Variants in USP13 observed in about 807,000 individuals in gnomAD.
USP13 encodes ubiquitin specific peptidase 13.
A neutral mutation model predicts 107.8 loss-of-function variants in USP13; 68 were observed. That is an observed-to-expected ratio of 0.63 (90% CI 0.52 to 0.77). USP13 has a LOEUF of 0.77. Among genes scored for constraint, USP13 ranks in the 30% least tolerant of loss-of-function variants. The pLI, the probability that USP13 is intolerant of heterozygous loss-of-function variation, is 0.00. For missense variants in USP13, 945 were observed against 1,093.3 expected (o/e 0.86, Z 1.91); for synonymous variants, 377 against 389.5 (o/e 0.97, Z 0.38).
At position 179,719,956 on chromosome 3, in the gene USP13, A is replaced by G; in HGVS notation, c.822A>G (p.Gln274=). The G allele has an allele frequency of 6.2e-7, 1 of 1,613,972 alleles. No homozygotes were observed. The highest frequency in any genetic ancestry group is 8.5e-7 in the Non-Finnish European group (1 of 1,179,932). ...TPDGADVYSF[Q]EEEPVLDPHL... Reference sequence around the variant, plus strand: ...ATCCGCTAGATGTTTATTCTTTTCAAGAAGAAGAACCTGTTTTGGATCCTC... The same window carrying G: ...ATCCGCTAGATGTTTATTCTTTTCAGGAAGAAGAACCTGTTTTGGATCCTC... Residue 274 remains glutamine, a synonymous_variant, in exon 7 of 21, where the codon CAA becomes CAG. Transcript: ENST00000263966.
intron 1 of USP13, among the ~76,000 whole-genome samples, chr3:179,659,581 A>G (rs1361848520): frequency 6.6e-6 from 1 of 152,142 alleles, no homozygotes; most frequent in African/African-American, 2.4e-5. Context: ...ATTATTGCAT[A>G]TATTATTATA....
At chr3:179,740,179 C>T in intron 10 of USP13, 68 bp from the exon 11 acceptor site, 1 of 1,595,384 alleles carries the variant, frequency 6.3e-7, no homozygotes, top group Non-Finnish European at 8.6e-7. Context: ...GGGTTCTGCT[C>T]TGCTTGCCGC....
At chr3:179,668,471 T>A (rs1369422116) in intron 1 of USP13, among the ~76,000 whole-genome samples, 1 of 152,248 alleles carries the variant, frequency 6.6e-6, no homozygotes, top group Admixed American at 6.5e-5. Context: ...AGATTTTGGA[T>A]TTTGCAACTA....
At chr3:179,681,085 A>G (rs1449930621) in intron 1 of USP13, among the ~76,000 whole-genome samples, 1 of 152,140 alleles carries the variant, frequency 6.6e-6, no homozygotes, top group Admixed American at 6.5e-5. Flanking sequence ...CTGAGGTGAG[A>G]ACCTCACTGT....
Position 179,653,407 on chromosome 3 carries a change from C to T in USP13, c.168+14C>T, listed in dbSNP as rs368463855. On this transcript the variant is annotated intron_variant, in intron 1 of 20. Coordinates refer to ENST00000263966, the MANE Select transcript of USP13 (RefSeq NM_003940.3). The surrounding 1 kb of genome is among the most constrained non-coding windows in gnomAD (Gnocchi z 4.0). ...TACGACTCTCCCGTAAGTGAGGCGC[C>T]TCGGGGGAGGGTCGCGGGGCCGGCG... 7.1e-6 allele frequency: 11 copies of T among 1,548,998 alleles called. No homozygotes were observed. Among genetic ancestry groups the T allele is most frequent in the Non-Finnish European group, 9.6e-6 (11 of 1,145,414 alleles).
rs1453930997 is a variant in USP13, at chr3:179,788,500, A to G, written c.*4359A>G. 1.3e-5 allele frequency: 2 copies of G among 152,224 alleles called. No individual in the cohort carries two copies. Among genetic ancestry groups the G allele is most frequent in the Admixed American group, 6.5e-5 (1 of 15,278 alleles). The allele number at this position is 152,224 out of a possible 1,614,324, so 9.4% of individuals were successfully genotyped here. Reference sequence around the variant, plus strand: ...ATCGAGACTGTGTTGTACACATACAATACACACCAGATTTTGAAGGCTTGG... The same window carrying G: ...ATCGAGACTGTGTTGTACACATACAGTACACACCAGATTTTGAAGGCTTGG... On this transcript the variant is annotated 3_prime_UTR_variant, in exon 21 of 21. Coordinates refer to ENST00000263966, the MANE Select transcript of USP13 (RefSeq NM_003940.3).
intron 1 of USP13, among the ~76,000 whole-genome samples, chr3:179,654,358 C>A (rs1161449071): frequency 6.6e-6 from 1 of 152,118 alleles, no homozygotes; most frequent in African/African-American, 2.4e-5. Context: ...CTGACATGCG[C>A]AAGTATAAAT....
At chr3:179,779,657 C>A (rs755085010) in intron 19 of USP13, among the ~76,000 whole-genome samples, 1 of 147,526 alleles carries the variant, frequency 6.8e-6, no homozygotes, top group Admixed American at 6.9e-5. Context: ...GGGTTTTGTA[C>A]GTAGCAGAGC....
chr3:179,729,594 C>T (rs1360284069), intron 8 of USP13, among the ~76,000 whole-genome samples: 1 of 152,180 alleles, frequency 6.6e-6, no homozygotes, highest in African/African-American at 2.4e-5. Flanking sequence ...GCCTCAGCCT[C>T]CCAAGTAGCT....
chr3:179,778,465 T>A (rs1277061898), intron 19 of USP13, among the ~76,000 whole-genome samples: 1 of 152,002 alleles, frequency 6.6e-6, no homozygotes, highest in Non-Finnish European at 1.5e-5. Context: ...CGTGCACAAG[T>A]AAGAATGTGA....
At chr3:179,740,591 G>T (rs921906097) in intron 11 of USP13, among the ~76,000 whole-genome samples, 1 of 152,100 alleles carries the variant, frequency 6.6e-6, no homozygotes, top group Non-Finnish European at 1.5e-5. Flanking sequence ...GTGGATCTCT[G>T]TGCTTCTTTT....
chr3:179,662,580 T>C (rs1457053442), intron 1 of USP13, among the ~76,000 whole-genome samples: 1 of 152,200 alleles, frequency 6.6e-6, no homozygotes, highest in Non-Finnish European at 1.5e-5. Context: ...GTCCTTTGAT[T>C]GGGGTTTCAG....
chr3:179,682,097 A>G lies in USP13; in HGVS notation c.294+94A>G, dbSNP rs755749868. The G allele has an allele frequency of 3.8e-5, 56 of 1,456,840 alleles. No homozygotes were observed. In the Admixed American group the frequency reaches 1.1e-3, roughly 29 times the overall value. The allele number at this position is 1,456,840 out of a possible 1,614,324, so 90.2% of individuals were successfully genotyped here. Reference sequence around the variant, plus strand: ...CACGTGGAAATTTGACCATGCCCACATAACTTCCGATTCCCTTTGACGATG... The same window carrying G: ...CACGTGGAAATTTGACCATGCCCACGTAACTTCCGATTCCCTTTGACGATG... On this transcript the variant is annotated intron_variant, in intron 2 of 20. Transcript: ENST00000263966.
intron 12 of USP13, among the ~76,000 whole-genome samples, chr3:179,743,330 T>C (rs543730073): frequency 6.6e-6 from 1 of 151,574 alleles, no homozygotes; most frequent in South Asian, 2.1e-4. Flanking sequence ...CATATACTTA[T>C]GTAACAGACC....
chr3:179,747,158 G>A (rs1222349937), intron 13 of USP13, among the ~76,000 whole-genome samples: 1 of 152,170 alleles, frequency 6.6e-6, no homozygotes, highest in African/African-American at 2.4e-5. Context: ...ACATGTGCAT[G>A]TGCCTGTTTG....
At position 179,682,336 on chromosome 3, in the gene USP13, G is replaced by T. The variant is rs78065530; in HGVS notation, c.294+333G>T. On this transcript the variant is annotated intron_variant, in intron 2 of 20. Transcript: ENST00000263966. ...AATCATAAAAAAAAACCATTTGAAT[G>T]TTCCTGCTTCAGATGTGTTTTGTTT... is the stretch of plus-strand genomic sequence containing the variant. 2.0e-3 allele frequency among the ~76,000 whole-genome samples: 307 copies of T among 150,644 alleles called. 6 individuals are homozygous for T. The highest frequency in any genetic ancestry group is 7.1e-3 in the African/African-American group (294 of 41,262).
intron 1 of USP13, among the ~76,000 whole-genome samples, chr3:179,677,396 C>A (rs1316407078): frequency 2.0e-5 from 3 of 151,794 alleles, no homozygotes; most frequent in Non-Finnish European, 4.4e-5. Context: ...GCCTGGCTAA[C>A]ATGGAGAAAC....
chr3:179,688,015 G>A (rs963466972), intron 2 of USP13, among the ~76,000 whole-genome samples: 1 of 151,858 alleles, frequency 6.6e-6, no homozygotes, highest in African/African-American at 2.4e-5. Context: ...TGTTTTCTCT[G>A]TCTAGGATGT....
intron 3 of USP13, among the ~76,000 whole-genome samples, chr3:179,698,694 C>G (rs1164915815): frequency 6.6e-6 from 1 of 151,828 alleles, no homozygotes; most frequent in Admixed American, 6.6e-5. Context: ...ATAAAGTTCA[C>G]TCACTCTATT....
Sources: gnomAD v4.1 joint callset for allele counts (sites outside exome capture counted in the v4.1 genomes callset) on GRCh38, gnomAD v4.1.1 for gene constraint, Gnocchi (gnomAD v3.1) non-coding constraint, MANE v1.5 for transcripts, NCBI Gene and HGNC (gene_info 2026-07-23, HGNC 2026-07-21) for gene names.